Variants in CAST observed in about 807,000 individuals in gnomAD.
CAST encodes the protein calpastatin.
In CAST, 76 loss-of-function variants were observed where a neutral mutation model predicts 119.6. The observed-to-expected ratio is 0.64, with a 90% CI of 0.53 to 0.77. CAST has a LOEUF of 0.77. CAST is among the 30% of genes least tolerant of loss of function. The pLI, the probability that CAST is intolerant of heterozygous loss-of-function variation, is 0.00. For synonymous variants in CAST, 319 were observed against 331.6 expected (o/e 0.96, Z 0.41); for missense variants, 953 against 946.5 (o/e 1.01, Z -0.09).
At chr5:96,516,643 C>CA in the CAST span, among the ~76,000 whole-genome samples, 1 of 152,138 alleles carries the variant, frequency 6.6e-6, no homozygotes, top group South Asian at 2.1e-4. Context: ...TCCCCGCTAT[C>CA]AAAAAATTGT....
At chr5:96,322,856 T>C in the CAST span, among the ~76,000 whole-genome samples, 1 of 152,218 alleles carries the variant, frequency 6.6e-6, no homozygotes, top group African/African-American at 2.4e-5. Context: ...ACACTGATGA[T>C]GGTAGAAACC....
chr5:96,045,365 A>C, the CAST span, among the ~76,000 whole-genome samples: 2 of 151,940 alleles, frequency 1.3e-5, no homozygotes, highest in Non-Finnish European at 1.5e-5. Flanking sequence ...AGAAAAAAAA[A>C]AAAAAGAAAA....
the CAST span, among the ~76,000 whole-genome samples, chr5:96,350,674 G>A: frequency 6.6e-6 from 1 of 151,962 alleles, no homozygotes; most frequent in South Asian, 2.1e-4. Flanking sequence ...AGTGATTTTG[G>A]GGTCCCGAGA....
the CAST span, among the ~76,000 whole-genome samples, chr5:96,478,622 A>C: frequency 3.9e-5 from 6 of 152,248 alleles, no homozygotes; most frequent in East Asian, 1.2e-3. Flanking sequence ...ATATACCTAT[A>C]CACAGTCTTT....
chr5:96,275,194 A>G, the CAST span, among the ~76,000 whole-genome samples: 1 of 152,210 alleles, frequency 6.6e-6, no homozygotes, highest in African/African-American at 2.4e-5. Context: ...CGTTGACAGT[A>G]AGCCGTATTT....
At chr5:96,488,735 G>A in the CAST span, among the ~76,000 whole-genome samples, 5 of 152,296 alleles carry the variant, frequency 3.3e-5, no homozygotes, top group Admixed American at 2.6e-4. Context: ...CTTTGAGGAA[G>A]GATGTAACAG....
At chr5:96,174,193 TC>T in the CAST span, among the ~76,000 whole-genome samples, 2 of 152,166 alleles carry the variant, frequency 1.3e-5, no homozygotes, top group South Asian at 4.1e-4. Flanking sequence ...ATGTTGAGAT[TC>T]CCAGGAGCCT....
the CAST span, among the ~76,000 whole-genome samples, chr5:96,368,946 A>G: frequency 1.3e-5 from 2 of 152,116 alleles, no homozygotes; most frequent in Non-Finnish European, 2.9e-5. Context: ...TTGCTGTTGC[A>G]TGAAACCTGT....
At chr5:96,615,044 T>A (rs935990175) in intron 1 of CAST, among the ~76,000 whole-genome samples, 1 of 152,216 alleles carries the variant, frequency 6.6e-6, no homozygotes, top group Non-Finnish European at 1.5e-5. Context: ...ATGCATTCAG[T>A]AGAAGCTGTA....
At chr5:96,050,606 G>C in the CAST span, among the ~76,000 whole-genome samples, 1 of 152,222 alleles carries the variant, frequency 6.6e-6, no homozygotes, top group Non-Finnish European at 1.5e-5. Flanking sequence ...TGGCCATAGG[G>C]CAAAAGCATT....
the CAST span, among the ~76,000 whole-genome samples, chr5:96,056,324 G>T: frequency 6.6e-6 from 1 of 152,056 alleles, no homozygotes; most frequent in African/African-American, 2.4e-5. Flanking sequence ...GCTTCTTTGG[G>T]GTAACTAATG....
At chr5:96,679,197 T>G (rs1751049003) in intron 2 of CAST, 1 of 152,130 alleles carries the variant, frequency 6.6e-6, no homozygotes, top group South Asian at 2.1e-4. Context: ...AGCTAATACA[T>G]TTGTCATGCT....
At chr5:96,452,732 T>C in the CAST span, among the ~76,000 whole-genome samples, 9 of 137,552 alleles carry the variant, frequency 6.5e-5, no homozygotes, top group Non-Finnish European at 1.2e-4. Context: ...GGGTGGATCA[T>C]GAGGTCAGGA....
At chr5:96,399,029 T>C in the CAST span, 1 of 1,609,102 alleles carries the variant, frequency 6.2e-7, no homozygotes, top group Non-Finnish European at 8.5e-7. Flanking sequence ...CCATTAGCTT[T>C]CAGGGCTCTA....
the CAST span, among the ~76,000 whole-genome samples, chr5:96,350,452 C>T: frequency 4.9e-3 from 740 of 152,192 alleles, 4 homozygotes; most frequent in African/African-American, 0.016. Context: ...TGTCCCCCAC[C>T]TGTGAAGATA....
At chr5:96,306,936 C>T in the CAST span, among the ~76,000 whole-genome samples, 1 of 152,188 alleles carries the variant, frequency 6.6e-6, no homozygotes, top group South Asian at 2.1e-4. Flanking sequence ...GTTGGTTTGG[C>T]ATGGAGAGTT....
intron 1 of CAST, among the ~76,000 whole-genome samples, chr5:96,553,673 A>G (rs1241151036): frequency 1.3e-5 from 2 of 152,194 alleles, no homozygotes; most frequent in Non-Finnish European, 2.9e-5. Context: ...TCAGCCCAAA[A>G]TCTCCTTAAG....
the CAST span, among the ~76,000 whole-genome samples, chr5:96,395,669 A>C: frequency 6.6e-6 from 1 of 152,170 alleles, no homozygotes; most frequent in African/African-American, 2.4e-5. Context: ...GAGGGATAGC[A>C]TTAGGAGAAA....
At chr5:96,024,684 G>A in the CAST span, among the ~76,000 whole-genome samples, 1 of 151,944 alleles carries the variant, frequency 6.6e-6, no homozygotes, top group African/African-American at 2.4e-5. Flanking sequence ...AGTGAATTAG[G>A]CTCTCTGTGT....
Sources: allele counts gnomAD v4.1 joint callset (sites outside exome capture counted in the v4.1 genomes callset), GRCh38; gene constraint gnomAD v4.1.1; transcripts MANE v1.5; gene names NCBI Gene and HGNC (gene_info 2026-07-23, HGNC 2026-07-21).